The following ARHGAP21 variants were observed in gnomAD, a reference collection of about 807,000 sequenced individuals.
ARHGAP21 encodes Rho GTPase activating protein 21, also known as rho GTPase-activating protein 21.
ARHGAP21 carries 38 observed loss-of-function variants against 164.6 expected under a neutral mutation model. The ratio of observed to expected loss-of-function variants is 0.23; its 90% CI spans 0.18 to 0.30. The LOEUF (loss-of-function observed/expected upper bound fraction) is 0.30, where lower values mean the gene tolerates loss of function less well. ARHGAP21 is among the 10% of genes least tolerant of loss of function. The pLI, the probability that ARHGAP21 is intolerant of heterozygous loss-of-function variation, is 1.00. For missense variants in ARHGAP21, 1,822 were observed against 2,370.7 expected (o/e 0.77, Z 4.81); for synonymous variants, 766 against 857.9 (o/e 0.89, Z 1.87).
Position 24,683,095 on chromosome 10 carries a change from CAAAAAAAAAA to C in ARHGAP21, c.64-12708_64-12699del, listed in dbSNP as rs200968718. ...TGGGCAACACAGCGAAACTCCATCT[CAAAAAAAAAA>C]AAAAAAAAAAGATGATGACTAATGA... is the stretch of plus-strand genomic sequence containing the variant. On this transcript the variant is annotated intron_variant, in intron 2 of 25. Transcript: ENST00000396432. Among the ~76,000 whole-genome samples the C allele has an allele frequency of 3.4e-5, 3 of 89,024 alleles. No individual in the cohort carries two copies. The South Asian group carries it at 1.3e-3, about 40-fold the overall frequency. The allele number at this position is 89,024 out of a possible 152,430, so 58.4% of individuals were successfully genotyped here.
intron 2 of ARHGAP21, among the ~76,000 whole-genome samples, chr10:24,673,374 A>G (rs1007301927): frequency 6.6e-6 from 1 of 152,198 alleles, no homozygotes; most frequent in African/African-American, 2.4e-5. Context: ...CTAGACCCAC[A>G]ACCACATGAT....
chr10:24,689,948 G>GTATGTATATGTATATATGTATA (rs1565169515), intron 2 of ARHGAP21, among the ~76,000 whole-genome samples: 2 of 5,478 alleles, frequency 3.7e-4, no homozygotes, highest in Admixed American at 1.4e-3. Context: ...ATATGTATAT[G>GTATGTATATGTATATATGTATA]TGTGTGTGTG....
chr10:24,617,984 C>T (rs1285121451), intron 9 of ARHGAP21, among the ~76,000 whole-genome samples: 1 of 152,122 alleles, frequency 6.6e-6, no homozygotes. Flanking sequence ...ATATAAATGG[C>T]GTGCTCCCTG....
intron 13 of ARHGAP21, among the ~76,000 whole-genome samples, chr10:24,601,135 A>T (rs2076797354): frequency 6.6e-6 from 1 of 152,228 alleles, no homozygotes; most frequent in African/African-American, 2.4e-5. Flanking sequence ...TTCATATCAA[A>T]GTCAAGGACT....
chr10:24,626,423 G>C (rs1835145682), intron 7 of ARHGAP21, among the ~76,000 whole-genome samples: 2 of 152,292 alleles, frequency 1.3e-5, no homozygotes, highest in Non-Finnish European at 1.5e-5. Flanking sequence ...TATGAAATTA[G>C]TGTCCTTATA....
At position 24,584,162 on chromosome 10, in the gene ARHGAP21, T is replaced by C; in HGVS notation, c.*250A>G. 5.4e-6 allele frequency: 1 copy of C among 185,502 alleles called. No individual in the cohort carries two copies. The highest frequency in any genetic ancestry group is 1.1e-5 in the Non-Finnish European group (1 of 92,030). The allele number at this position is 185,502 out of a possible 1,614,324, so 11.5% of individuals were successfully genotyped here. Reference sequence around the variant, plus strand: ...CTTCAGTGATTTTGGGTATATGCTATGTAGTAAGTTGCAACAAATACCTTG... The same window carrying C: ...CTTCAGTGATTTTGGGTATATGCTACGTAGTAAGTTGCAACAAATACCTTG... On this transcript the variant is annotated 3_prime_UTR_variant, in exon 26 of 26. Transcript: ENST00000396432.
rs544303644 is a variant in ARHGAP21, at chr10:24,671,915, A to C, written c.64-1518T>G. Among the ~76,000 whole-genome samples the C allele has an allele frequency of 7.6e-5, 8 of 104,782 alleles. No individual in the cohort carries two copies. The East Asian group carries it at 2.4e-3, about 31-fold the overall frequency. The allele number at this position is 104,782 out of a possible 152,430, so 68.7% of individuals were successfully genotyped here. On this transcript the variant is annotated intron_variant, in intron 2 of 25. Coordinates refer to ENST00000396432, the MANE Select transcript of ARHGAP21 (RefSeq NM_020824.4). ...TTTTTTTTTTTTTTTTTTTTTGTAG[A>C]GACAAGGTCTCACTATGTTGCTCAG...
At chr10:24,595,095 C>A in intron 20 of ARHGAP21, 22 bp downstream of exon 20, 1 of 1,606,412 alleles carries the variant, frequency 6.2e-7, no homozygotes, top group African/African-American at 1.3e-5. Flanking sequence ...TTGTATCCCC[C>A]AAAATATAAA....
intron 2 of ARHGAP21, among the ~76,000 whole-genome samples, chr10:24,715,394 C>T (rs1221045912): frequency 6.6e-6 from 1 of 152,016 alleles, no homozygotes; most frequent in Non-Finnish European, 1.5e-5. Flanking sequence ...ATATACTAGC[C>T]ATTCGTTTTA....
chr10:24,699,620 C>A (rs574461098), intron 2 of ARHGAP21, among the ~76,000 whole-genome samples: 2 of 152,042 alleles, frequency 1.3e-5, no homozygotes, highest in Non-Finnish European at 2.9e-5. Context: ...TCACCGTGCC[C>A]GGCCTAGAAT....
chr10:24,601,105 A>T (rs1234333168), intron 13 of ARHGAP21, among the ~76,000 whole-genome samples, 175 bp from the exon 14 acceptor site: 1 of 152,234 alleles, frequency 6.6e-6, no homozygotes, highest in East Asian at 1.9e-4. Context: ...TGTGGAGCAT[A>T]AACTGAGTTA....
At chr10:24,622,384 C>A (rs1038204959) in intron 8 of ARHGAP21, among the ~76,000 whole-genome samples, 2 of 142,706 alleles carry the variant, frequency 1.4e-5, no homozygotes, top group Admixed American at 7.3e-5. Context: ...CAGCCACAAA[C>A]GTAACAGCAA....
chr10:24,660,829 G>A (rs1026713940), intron 4 of ARHGAP21, among the ~76,000 whole-genome samples: 6 of 152,028 alleles, frequency 3.9e-5, no homozygotes, highest in African/African-American at 1.4e-4. Flanking sequence ...GAAAGTTATT[G>A]CACATATCTC....
At chr10:24,648,779 C>CAA (rs11397639) in intron 4 of ARHGAP21, 184,988 of 859,536 alleles carry the variant, frequency 0.22, 4,469 homozygotes, top group East Asian at 0.29. Context: ...AACTCTGTCT[C>CAA]AAAAAAAAAA....
At chr10:24,715,259 T>C (rs539360777) in intron 2 of ARHGAP21, among the ~76,000 whole-genome samples, 1 of 152,296 alleles carries the variant, frequency 6.6e-6, no homozygotes, top group East Asian at 1.9e-4. Context: ...ATAATCCTGA[T>C]ATTCTCATCA....
intron 2 of ARHGAP21, among the ~76,000 whole-genome samples, chr10:24,717,477 A>G (rs1472713525): frequency 6.6e-6 from 1 of 152,142 alleles, no homozygotes; most frequent in East Asian, 1.9e-4. Flanking sequence ...GGGCAACTGA[A>G]AGAGTCTTGC....
At chr10:24,617,502 C>T (rs1834071514) in intron 9 of ARHGAP21, among the ~76,000 whole-genome samples, 1 of 152,038 alleles carries the variant, frequency 6.6e-6, no homozygotes, top group Admixed American at 6.6e-5. Context: ...CCATCTACAA[C>T]AGGAGTCTAC....
At position 24,584,704 on chromosome 10, in the gene ARHGAP21, G is replaced by A. The variant is rs780807472; in HGVS notation, c.5585C>T (p.Thr1862Ile). The change falls in exon 26 of 26, where the codon ACC becomes ATC. Residue 1862 changes from threonine to isoleucine, a missense_variant. Transcript: ENST00000396432. ...GATTTCTCCTCTGCTAAGGTCAGAG[G>A]TACTGGTGCGTAGGCGTTCCCTGGC... is the stretch of plus-strand genomic sequence containing the variant. ...WLARERLRTS[T>I]SDLSRGEIGD... 2.5e-6 allele frequency: 4 copies of A among 1,614,000 alleles called. No individual in the cohort carries two copies. In the South Asian group the frequency reaches 3.3e-5, roughly 13 times the overall value.
chr10:24,628,513 A>G (rs1835359380), intron 7 of ARHGAP21, among the ~76,000 whole-genome samples: 1 of 152,084 alleles, frequency 6.6e-6, no homozygotes, highest in Non-Finnish European at 1.5e-5. Context: ...GAACATTACT[A>G]TACCATTTCC....
Sources: gnomAD v4.1 joint callset for allele counts (sites outside exome capture counted in the v4.1 genomes callset) on GRCh38, gnomAD v4.1.1 for gene constraint, MANE v1.5 for transcripts, NCBI Gene and HGNC (gene_info 2026-07-23, HGNC 2026-07-21) for gene names.